Variants in KRTAP10-7 observed in about 807,000 individuals in gnomAD.
KRTAP10-7 encodes the protein keratin associated protein 10-7, also known as keratin-associated protein 10-7.
For missense variants in KRTAP10-7, 394 were observed against 474.3 expected (o/e 0.83, Z 1.57); for synonymous variants, 162 against 199.6 (o/e 0.81, Z 1.59).
At position 44,600,878 on chromosome 21, in the gene KRTAP10-7, C is replaced by T. The variant is rs1232134213; in HGVS notation, c.257C>T (p.Thr86Met). 8 of 1,611,126 alleles carry T rather than the reference C, an allele frequency of 5.0e-6. No homozygotes were observed. Among genetic ancestry groups the T allele is most frequent in the East Asian group, 2.2e-5 (1 of 44,776 alleles). Residue 86 changes from threonine to methionine, a missense_variant, in exon 1 of 1, where the codon ACG (threonine) becomes ATG (methionine). Coordinates refer to ENST00000609664, the MANE Select transcript of KRTAP10-7 (RefSeq NM_198689.3). ...PCQSGCTSSC[T>M]PSCCQQSSCQ... ...CAATCAGGCTGCACCAGCTCCTGCA[C>T]GCCCTCGTGCTGCCAGCAGTCTAGC...
In KRTAP10-7 at chr21:44,601,438, C is replaced by A. The variant is rs1980891910; in HGVS notation, c.817C>A (p.Pro273Thr). 1 of 1,611,410 alleles carries A rather than the reference C, an allele frequency of 6.2e-7. No homozygotes were observed. The highest frequency in any genetic ancestry group is 1.7e-5 in the Admixed American group (1 of 59,806). ...CTGCTGCGTGCCCGTCTGCTGTAAG[C>A]CTGTGTGCTGTGTGCCCGTCTGCTC... ...QGCCVPVCCK[P>T]VCCVPVCSGA... is the part of the protein sequence containing the mutation. The change falls in exon 1 of 1, where the codon CCT becomes ACT. Residue 273 changes from proline to threonine, a missense_variant. By Grantham distance (38) the Pro-to-Thr change is conservative (BLOSUM62 -1). Coordinates refer to ENST00000609664, the MANE Select transcript of KRTAP10-7 (RefSeq NM_198689.3).
In KRTAP10-7 at chr21:44,601,347, C is replaced by G. The variant is rs377763006; in HGVS notation, c.726C>G (p.Thr242=). The G allele has an allele frequency of 9.8e-5, 158 of 1,613,156 alleles. No homozygotes were observed. Among genetic ancestry groups the G allele is most frequent in the Non-Finnish European group, 1.3e-4 (154 of 1,179,584 alleles). ...GCAAGCCCGTCTGCTGTGTGCCCAC[C>G]TGCTCTGATGATTCCGGTTCATGCT... ...VCCKPVCCVP[T]CSDDSGSCCQ... is the part of the protein sequence containing the mutation. Residue 242 remains threonine, a synonymous_variant, in exon 1 of 1, where the codon ACC becomes ACG. Transcript: ENST00000609664.
rs1555928495 is a variant in KRTAP10-7 at position 44,600,928 on chromosome 21, T to C, written c.307T>C (p.Ser103Pro). 1 of 1,611,220 alleles carries C rather than the reference T, an allele frequency of 6.2e-7. No individual in the cohort carries two copies. Among genetic ancestry groups the C allele is most frequent in the African/African-American group, 1.4e-5 (1 of 73,542 alleles). Residue 103 changes from serine (S) to proline (P), a missense_variant, in exon 1 of 1, where the codon TCC becomes CCC. Transcript: ENST00000609664. ...SSCQLACCAS[S>P]PCQQACCVPV... Reference sequence around the variant, plus strand: ...CTGCCAGCTGGCTTGCTGTGCCTCCTCCCCCTGCCAGCAGGCCTGCTGCGT... The same window carrying C: ...CTGCCAGCTGGCTTGCTGTGCCTCCCCCCCCTGCCAGCAGGCCTGCTGCGT...
rs2020371 is a variant in KRTAP10-7, at chr21:44,601,329, C to T, written c.708C>T (p.Pro236=). The change falls in exon 1 of 1, where the codon CCC becomes CCT. Residue 236 remains proline, a synonymous_variant. Transcript: ENST00000609664. ...GCTGTGTGCCTGTCTGCTGCAAGCC[C>T]GTCTGCTGTGTGCCCACCTGCTCTG... ...QACCVPVCCK[P]VCCVPTCSDD... is the part of the protein sequence containing the mutation. 43 of 1,612,790 alleles carry T rather than the reference C, an allele frequency of 2.7e-5. No individual in the cohort carries two copies. The highest frequency in any genetic ancestry group is 4.0e-5 in the African/African-American group (3 of 74,720).
rs368860151 is a variant in KRTAP10-7, at chr21:44,601,871, G to T, written c.*137G>T. ...CAGTGGTCAGCTGGCCATCCAGTGTGCGCTTCTCCTCCTAGAAGCAGCTCA... is the reference window on the plus strand; with the variant it reads ...CAGTGGTCAGCTGGCCATCCAGTGTTCGCTTCTCCTCCTAGAAGCAGCTCA... On this transcript the variant is annotated 3_prime_UTR_variant, in exon 1 of 1. Coordinates refer to ENST00000609664, the MANE Select transcript of KRTAP10-7 (RefSeq NM_198689.3). 7.4e-5 allele frequency: 89 copies of T among 1,210,168 alleles called. No individual in the cohort carries two copies. In the East Asian group the frequency reaches 1.1e-3, roughly 15 times the overall value. The allele number at this position is 1,210,168 out of a possible 1,614,324, so 75.0% of individuals were successfully genotyped here.
chr21:44,601,165 G>A lies in KRTAP10-7; in HGVS notation c.544G>A (p.Val182Met), dbSNP rs374835474. ...CCQQSSCVSCVSSPCCQAVCE... is the reference protein window; with the variant it reads ...CCQQSSCVSCMSSPCCQAVCE... The stretch of plus-strand genomic sequence containing the variant: ...CCAGCAGTCTAGCTGTGTGAGCTGT[G>A]TGTCCAGTCCCTGCTGCCAGGCGGT... The change falls in exon 1 of 1, where the codon GTG becomes ATG. Residue 182 changes from valine to methionine, a missense_variant. Val to Met is a conservative substitution (Grantham distance 21). Coordinates refer to ENST00000609664, the MANE Select transcript of KRTAP10-7 (RefSeq NM_198689.3). 8.9e-5 allele frequency: 142 copies of A among 1,598,140 alleles called. No individual in the cohort carries two copies. The African/African-American group carries it at 1.7e-3, about 19-fold the overall frequency.
rs782550496 is a variant in KRTAP10-7 at position 44,600,749 on chromosome 21, A to T, written c.128A>T (p.Glu43Val). 16 of 1,609,392 alleles carry T rather than the reference A, an allele frequency of 9.9e-6. 1 individual carries two copies. In the East Asian group the frequency reaches 3.6e-4, roughly 36 times the overall value. ...QVDDCPESCCEPPCCAPAPCL... is the reference protein window; with the variant it reads ...QVDDCPESCCVPPCCAPAPCL... ...GACGACTGCCCAGAGAGCTGCTGCG[A>T]GCCCCCCTGCTGCGCCCCGGCCCCC... Residue 43 changes from glutamate (E) to valine (V), a missense_variant, in exon 1 of 1, where the codon GAG becomes GTG. By Grantham distance (121) the Glu-to-Val change is moderately radical. Transcript: ENST00000609664.
chr21:44,601,593 C>T lies in KRTAP10-7; in HGVS notation c.972C>T (p.Pro324=), dbSNP rs587761339. 2.8e-5 allele frequency: 45 copies of T among 1,613,598 alleles called. No homozygotes were observed. The South Asian group carries it at 3.7e-4, about 13-fold the overall frequency. ...RPVCRPACCV[P]VPSCCAPTSS... is the part of the protein sequence containing the mutation. Reference sequence around the variant, plus strand: ...TGTGCAGGCCCGCCTGCTGCGTGCCCGTCCCCTCCTGCTGCGCCCCCACCT... The same window carrying T: ...TGTGCAGGCCCGCCTGCTGCGTGCCTGTCCCCTCCTGCTGCGCCCCCACCT... The change falls in exon 1 of 1, where the codon CCC becomes CCT. Residue 324 remains proline (P), a synonymous_variant. Transcript: ENST00000609664.
chr21:44,601,139 G>C lies in KRTAP10-7; in HGVS notation c.518G>C (p.Cys173Ser), dbSNP rs1187955755. The C allele has an allele frequency of 3.1e-6, 5 of 1,599,430 alleles. No individual in the cohort carries two copies. Among genetic ancestry groups the C allele is most frequent in the Non-Finnish European group, 4.2e-6 (5 of 1,177,900 alleles). Residue 173 changes from cysteine to serine, a missense_variant, in exon 1 of 1, where the codon TGC becomes TCC. Physicochemically the swap from Cys to Ser is moderately radical, Grantham distance 112. Coordinates refer to ENST00000609664, the MANE Select transcript of KRTAP10-7 (RefSeq NM_198689.3). ...TGCTCTGGGATTTCCTCTTCGTGCTGCCAGCAGTCTAGCTGTGTGAGCTGT... is the reference window on the plus strand; with the variant it reads ...TGCTCTGGGATTTCCTCTTCGTGCTCCCAGCAGTCTAGCTGTGTGAGCTGT... Reference protein sequence around the residue: ...PVCSGISSSCCQQSSCVSCVS... With the variant: ...PVCSGISSSCSQQSSCVSCVS...
In KRTAP10-7 at chr21:44,601,869, G is replaced by A. The variant is rs1980956346; in HGVS notation, c.*135G>A. The A allele has an allele frequency of 1.3e-5, 16 of 1,232,878 alleles. No homozygotes were observed. Among genetic ancestry groups the A allele is most frequent in the Non-Finnish European group, 1.8e-5 (16 of 897,074 alleles). The allele number at this position is 1,232,878 out of a possible 1,614,324, so 76.4% of individuals were successfully genotyped here. A position where few individuals can be genotyped will look rare whatever the true frequency, so the allele number is the denominator to read the frequency against. On this transcript the variant is annotated 3_prime_UTR_variant, in exon 1 of 1. Coordinates refer to ENST00000609664, the MANE Select transcript of KRTAP10-7 (RefSeq NM_198689.3). ...GTCAGTGGTCAGCTGGCCATCCAGT[G>A]TGCGCTTCTCCTCCTAGAAGCAGCT...
In KRTAP10-7 at chr21:44,600,976, T is replaced by G. The variant is rs1396638167; in HGVS notation, c.355T>G (p.Cys119Gly). ...CCVPVCCKTV[C>G]CKPVYCVPVC... ...CGTGCCCGTCTGCTGCAAGACTGTC[T>G]GCTGCAAGCCTGTGTACTGTGTGCC... is the stretch of plus-strand genomic sequence containing the variant. The change falls in exon 1 of 1, where the codon TGC (cysteine) becomes GGC (glycine). Residue 119 changes from cysteine (C) to glycine (G), a missense_variant. Physicochemically the swap from Cys to Gly is radical, Grantham distance 159. Coordinates refer to ENST00000609664, the MANE Select transcript of KRTAP10-7 (RefSeq NM_198689.3). 1.2e-6 allele frequency: 2 copies of G among 1,611,596 alleles called. No homozygotes were observed. Among genetic ancestry groups the G allele is most frequent in the Non-Finnish European group, 1.7e-6 (2 of 1,179,738 alleles).
chr21:44,600,807 T>C lies in KRTAP10-7; in HGVS notation c.186T>C (p.Tyr62=), dbSNP rs1980778998. The C allele has an allele frequency of 3.4e-5, 54 of 1,599,452 alleles. 3 individuals carry two copies. Among genetic ancestry groups the C allele is most frequent in the Non-Finnish European group, 4.6e-5 (54 of 1,176,350 alleles). Residue 62 remains tyrosine (Y), a synonymous_variant, in exon 1 of 1, where the codon TAT becomes TAC. Transcript: ENST00000609664. ...GCCTGGTCTGCACCCCAGTGAGCTA[T>C]GTGTCCAGCCCCTGCTGCCGAGTGA... ...CLSLVCTPVS[Y]VSSPCCRVTC... is the part of the protein sequence containing the mutation.
At position 44,601,171 on chromosome 21, in the gene KRTAP10-7, A is replaced by G. The variant is rs1980845327; in HGVS notation, c.550A>G (p.Ser184Gly). The G allele has an allele frequency of 2.5e-6, 4 of 1,601,128 alleles. No individual in the cohort carries two copies. The highest frequency in any genetic ancestry group is 3.4e-6 in the Non-Finnish European group (4 of 1,177,762). ...QQSSCVSCVSSPCCQAVCEPS... is the reference protein window; with the variant it reads ...QQSSCVSCVSGPCCQAVCEPS... ...GTCTAGCTGTGTGAGCTGTGTGTCC[A>G]GTCCCTGCTGCCAGGCGGTCTGTGA... is the stretch of plus-strand genomic sequence containing the variant. Residue 184 changes from serine to glycine, a missense_variant, in exon 1 of 1, where the codon AGT (serine) becomes GGT (glycine). Transcript: ENST00000609664.
At chr21:44,601,438 CCTGTGTG>C in the KRTAP10-7 span, 103 of 1,611,410 alleles carry the variant, frequency 6.4e-5, no homozygotes, top group Non-Finnish European at 8.3e-5. Flanking sequence ...CTGCTGTAAG[CCTGTGTG>C]CTGTGTGCCC....
In KRTAP10-7 at chr21:44,601,366, T is replaced by C; in HGVS notation, c.745T>C (p.Ser249Pro). The change falls in exon 1 of 1, where the codon TCA becomes CCA. Residue 249 changes from serine (S) to proline (P), a missense_variant. Physicochemically the swap from Ser to Pro is moderately conservative, Grantham distance 74. Coordinates refer to ENST00000609664, the MANE Select transcript of KRTAP10-7 (RefSeq NM_198689.3). ...GCCCACCTGCTCTGATGATTCCGGT[T>C]CATGCTGCCAGCCAGCTTGCTGCAC... is the stretch of plus-strand genomic sequence containing the variant. Reference protein sequence around the residue: ...CVPTCSDDSGSCCQPACCTSS... With the variant: ...CVPTCSDDSGPCCQPACCTSS... The C allele has an allele frequency of 6.2e-7, 1 of 1,613,350 alleles. No homozygotes were observed.
rs782270765 is a variant in KRTAP10-7 at position 44,600,599 on chromosome 21, T to C, written c.-23T>C. ...TCACTCACTCACCCACTCACTCCCA[T>C]CTCCTCCAGTTCAATCCCCAGCATG... On this transcript the variant is annotated 5_prime_UTR_variant, in exon 1 of 1. Coordinates refer to ENST00000609664, the MANE Select transcript of KRTAP10-7 (RefSeq NM_198689.3). The C allele has an allele frequency of 1.9e-5, 31 of 1,602,972 alleles. No homozygotes were observed. In the South Asian group the frequency reaches 2.8e-4, roughly 15 times the overall value.
chr21:44,600,629 C>T lies in KRTAP10-7; in HGVS notation c.8C>T (p.Ala3Val), dbSNP rs372326787. The change falls in exon 1 of 1, where the codon GCG becomes GTG. Residue 3 changes from alanine to valine, a missense_variant. Physicochemically the swap from Ala to Val is moderately conservative, Grantham distance 64. Coordinates refer to ENST00000609664, the MANE Select transcript of KRTAP10-7 (RefSeq NM_198689.3). ...TCCAGTTCAATCCCCAGCATGGCTG[C>T]GTCCACTATGTCTGTCTGCTCCAGC... MA[A>V]STMSVCSSDL... 7 of 1,612,672 alleles carry T rather than the reference C, an allele frequency of 4.3e-6. No individual in the cohort carries two copies. The highest frequency in any genetic ancestry group is 1.7e-5 in the Admixed American group (1 of 59,948).
the KRTAP10-7 span, chr21:44,601,641 C>A: frequency 4.3e-6 from 7 of 1,613,538 alleles, no homozygotes; most frequent in South Asian, 7.7e-5. Flanking sequence ...CCAGCTGCTG[C>A]CGCCCAGCCT....
In KRTAP10-7 at chr21:44,601,578, C is replaced by T. The variant is rs782012154; in HGVS notation, c.957C>T (p.Pro319=). ...VSLLCRPVCR[P]ACCVPVPSCC... The stretch of plus-strand genomic sequence containing the variant: ...TCCTCTGCCGCCCCGTGTGCAGGCC[C>T]GCCTGCTGCGTGCCCGTCCCCTCCT... Residue 319 remains proline (P), a synonymous_variant, in exon 1 of 1, where the codon CCC becomes CCT. Coordinates refer to ENST00000609664, the MANE Select transcript of KRTAP10-7 (RefSeq NM_198689.3). 15 of 1,613,110 alleles carry T rather than the reference C, an allele frequency of 9.3e-6. No homozygotes were observed. The highest frequency in any genetic ancestry group is 1.6e-4 in the Middle Eastern group (1 of 6,082).
Sources: allele counts gnomAD v4.1 joint callset, GRCh38; gene constraint gnomAD v4.1.1; transcripts MANE v1.5; gene names NCBI Gene and HGNC (gene_info 2026-07-23, HGNC 2026-07-21).